TBC1D22A: variants seen among roughly 807,000 people sequenced by gnomAD.
TBC1D22A encodes the protein TBC1 domain family member 22A.
In TBC1D22A, 38 loss-of-function variants were observed where a neutral mutation model predicts 60.2. The ratio of observed to expected loss-of-function variants is 0.63; its 90% CI spans 0.49 to 0.83. The LOEUF (loss-of-function observed/expected upper bound fraction) is 0.83. Ranked by LOEUF, TBC1D22A falls within the 40% of genes least tolerant of loss-of-function variation. The pLI, the probability that TBC1D22A is intolerant of heterozygous loss-of-function variation, is 0.00. For missense variants in TBC1D22A, 628 were observed against 701.0 expected, an observed-to-expected ratio of 0.90 and a Z score of 1.18; for synonymous variants, 302 against 281.7, an observed-to-expected ratio of 1.07 and a Z score of -0.72.
intron 12 of TBC1D22A, among the ~76,000 whole-genome samples, chr22:47,159,010 C>T (rs2067834582): frequency 7.1e-6 from 1 of 140,762 alleles, no homozygotes; most frequent in South Asian, 2.2e-4. Context: ...GATAACACCT[C>T]ACCATATATA....
At chr22:46,998,094 A>G (rs2075180925) in intron 10 of TBC1D22A, among the ~76,000 whole-genome samples, 1 of 152,108 alleles carries the variant, frequency 6.6e-6, no homozygotes. Context: ...TCTCCATGGA[A>G]TCTAACTAAT....
intron 8 of TBC1D22A, among the ~76,000 whole-genome samples, chr22:46,972,249 C>T (rs141652243): frequency 8.1e-4 from 124 of 152,324 alleles, no homozygotes; most frequent in African/African-American, 2.7e-3. Flanking sequence ...TCTTTAAAGT[C>T]GCTTGTTTTC....
At chr22:46,889,681 C>T (rs952361496) in intron 5 of TBC1D22A, among the ~76,000 whole-genome samples, 3 of 152,326 alleles carry the variant, frequency 2.0e-5, no homozygotes, top group South Asian at 4.1e-4. Flanking sequence ...AGCTGATTCA[C>T]GTAACTTGGA....
chr22:47,059,312 G>A (rs1340955874), intron 11 of TBC1D22A, among the ~76,000 whole-genome samples: 1 of 152,252 alleles, frequency 6.6e-6, no homozygotes, highest in Non-Finnish European at 1.5e-5. Flanking sequence ...TCTTGACGCT[G>A]TAAGAGAGCA....
In TBC1D22A at chr22:46,997,703, A is replaced by G. The variant is rs763243690; in HGVS notation, c.1195A>G (p.Ile399Val). The change falls in exon 10 of 13, where the codon ATT becomes GTT. Residue 399 changes from isoleucine (I) to valine (V), a missense_variant. By Grantham distance (29) the Ile-to-Val change is conservative. Coordinates refer to ENST00000337137, the MANE Select transcript of TBC1D22A (RefSeq NM_014346.5). ...AATGTTAGAAGAACTCGTGAGCCGG[A>G]TTGATGGTAAGCCAGCTTCCCGCGC... ...VKMLEELVSR[I>V]DEQVHRHLDQ... 46 of 1,613,962 alleles carry G rather than the reference A, an allele frequency of 2.9e-5. No individual in the cohort carries two copies. Among genetic ancestry groups the G allele is most frequent in the Non-Finnish European group, 3.9e-5 (46 of 1,179,986 alleles).
At chr22:46,978,205 CCAGGCCTGTGTGCCT>C (rs2074379562) in intron 9 of TBC1D22A, among the ~76,000 whole-genome samples, 1 of 152,148 alleles carries the variant, frequency 6.6e-6, no homozygotes, top group Non-Finnish European at 1.5e-5. Flanking sequence ...ATTGACATGC[CCAGGCCTGTGTGCCT>C]TGGGACTCTG....
chr22:47,004,082 C>T (rs775485576), intron 10 of TBC1D22A, among the ~76,000 whole-genome samples: 15 of 150,474 alleles, frequency 1.0e-4, no homozygotes, highest in Non-Finnish European at 1.9e-4. Context: ...TGCCTGTATA[C>T]ACACACACCC....
At chr22:47,052,172 T>G (rs542109361) in intron 11 of TBC1D22A, among the ~76,000 whole-genome samples, 1 of 152,314 alleles carries the variant, frequency 6.6e-6, no homozygotes, top group East Asian at 1.9e-4. Flanking sequence ...GTTCTGGAGT[T>G]AGAGTGGGAT....
intron 3 of TBC1D22A, among the ~76,000 whole-genome samples, chr22:46,794,605 C>T (rs2084570398): frequency 7.3e-6 from 1 of 136,408 alleles, no homozygotes; most frequent in Admixed American, 7.8e-5. Flanking sequence ...CTGTGCCCTG[C>T]GGCAAGTCCA....
At chr22:46,890,074 G>T (rs759063268) in intron 5 of TBC1D22A, among the ~76,000 whole-genome samples, 7 of 152,204 alleles carry the variant, frequency 4.6e-5, no homozygotes, top group African/African-American at 1.4e-4. Context: ...AGGCCGGCAC[G>T]GTGGCCCACG....
At chr22:46,846,193 A>G (rs1569122641) in intron 4 of TBC1D22A, among the ~76,000 whole-genome samples, 1 of 152,242 alleles carries the variant, frequency 6.6e-6, no homozygotes, top group Non-Finnish European at 1.5e-5. Flanking sequence ...CTATCTCAAC[A>G]GCACACATAT....
intron 4 of TBC1D22A, among the ~76,000 whole-genome samples, chr22:46,847,002 G>A (rs896190280): frequency 7.2e-5 from 11 of 152,142 alleles, no homozygotes; most frequent in Non-Finnish European, 2.9e-5. Context: ...GTGGAATCTC[G>A]CGTGGGGTTC....
chr22:46,981,852 G>C (rs2148165560), intron 9 of TBC1D22A, among the ~76,000 whole-genome samples: 1 of 152,344 alleles, frequency 6.6e-6, no homozygotes, highest in Middle Eastern at 3.4e-3. Flanking sequence ...GACGTGTACT[G>C]CACAGTTTGG....
chr22:47,117,216 G>A (rs1055404549), intron 12 of TBC1D22A: 24 of 159,774 alleles, frequency 1.5e-4, no homozygotes, highest in Middle Eastern at 3.1e-3. Flanking sequence ...GAGCAGGGAC[G>A]GGGCAGGATG....
intron 9 of TBC1D22A, among the ~76,000 whole-genome samples, chr22:46,992,138 G>A (rs1236978098): frequency 6.6e-6 from 1 of 152,178 alleles, no homozygotes; most frequent in Non-Finnish European, 1.5e-5. Flanking sequence ...ATCCCAAGAC[G>A]ACCCCACAGA....
intron 11 of TBC1D22A, among the ~76,000 whole-genome samples, chr22:47,040,069 T>C (rs9615122): frequency 0.42 from 63,093 of 150,670 alleles, 13,851 homozygotes; most frequent in Middle Eastern, 0.66. Context: ...CTCAGCCTCT[T>C]GAGTAGCTGG....
chr22:47,161,847 T>C (rs1232716093), intron 12 of TBC1D22A, among the ~76,000 whole-genome samples: 1 of 152,236 alleles, frequency 6.6e-6, no homozygotes, highest in African/African-American at 2.4e-5. Context: ...CATCCTCAGC[T>C]GTTGCCCAGA....
intron 8 of TBC1D22A, among the ~76,000 whole-genome samples, chr22:46,963,737 C>A (rs1327644811): frequency 6.6e-6 from 1 of 152,248 alleles, no homozygotes. Context: ...CTTCTGCATT[C>A]TGGGGCCGTG....
intron 4 of TBC1D22A, among the ~76,000 whole-genome samples, chr22:46,851,678 CATCTT>C (rs2087284926): frequency 6.6e-6 from 1 of 152,256 alleles, no homozygotes; most frequent in African/African-American, 2.4e-5. Flanking sequence ...TAGAATTCCT[CATCTT>C]ATCTTCAGAT....
Sources: allele counts gnomAD v4.1 joint callset (sites outside exome capture counted in the v4.1 genomes callset), GRCh38; gene constraint gnomAD v4.1.1; transcripts MANE v1.5; gene names NCBI Gene and HGNC (gene_info 2026-07-23, HGNC 2026-07-21).